LRP5: variants seen among roughly 807,000 people sequenced by gnomAD.
LRP5 encodes LDL receptor related protein 5.
In LRP5, 62 loss-of-function variants were observed where a neutral mutation model predicts 154.1. The ratio of observed to expected loss-of-function variants is 0.40; its 90% CI spans 0.33 to 0.50. LRP5 has a LOEUF of 0.50. Among genes scored for constraint, LRP5 ranks in the 20% least tolerant of loss-of-function variants. LRP5 has a pLI of 0.55. For synonymous variants in LRP5, 966 were observed against 1,011.5 expected, an observed-to-expected ratio of 0.96 and a Z score of 0.85; for missense variants, 1,915 against 2,336.7, an observed-to-expected ratio of 0.82 and a Z score of 3.72.
Position 68,357,661 on chromosome 11 carries a change from G to A in LRP5, c.500G>A (p.Trp167Ter). Residue 167 changes from tryptophan to a stop codon, truncating the protein, a stop_gained, in exon 3 of 23, where the codon TGG becomes TAG. Coordinates refer to ENST00000294304, the MANE Select transcript of LRP5 (RefSeq NM_002335.4). LOFTEE classifies it high-confidence loss of function. ...TGCCCCCGTCACAGGTACATGTACT[G>A]GACAGACTGGGGTGAGACGCCCCGG... ...ALDPAHGYMYWTDWGETPRIE... is the reference protein window; with the variant it reads ...ALDPAHGYMY 6.2e-7 allele frequency: 1 copy of A among 1,614,004 alleles called. No individual in the cohort carries two copies.
chr11:68,337,976 G>T (rs2098606646), intron 1 of LRP5, among the ~76,000 whole-genome samples: 1 of 152,186 alleles, frequency 6.6e-6, no homozygotes, highest in Admixed American at 6.5e-5. Context: ...GGCATTACCT[G>T]TCCATGCATT....
Position 68,389,874 on chromosome 11 carries a change from T to A in LRP5, c.1413-7T>A, listed in dbSNP as rs141889567. ...CATGGGGTCATGGACTTCTGCTTCT[T>A]CTCCAGCCTCATGTACTGGACAGAC... On this transcript the variant is annotated splice_region_variant and splice_polypyrimidine_tract_variant and intron_variant, in intron 6 of 22. Transcript: ENST00000294304. 1,768 of 1,614,246 alleles carry A rather than the reference T, an allele frequency of 1.1e-3. 2 individuals carry two copies. Among genetic ancestry groups the A allele is most frequent in the Non-Finnish European group, 1.4e-3 (1,657 of 1,180,046 alleles).
chr11:68,356,137 C>T (rs1214410308), intron 2 of LRP5, among the ~76,000 whole-genome samples: 4 of 148,488 alleles, frequency 2.7e-5, no homozygotes, highest in African/African-American at 5.0e-5. Flanking sequence ...AGCCACCGCA[C>T]CCAGCCTTTT....
the LRP5 span, among the ~76,000 whole-genome samples, chr11:68,304,813 C>A: frequency 9.9e-4 from 151 of 152,360 alleles, 1 homozygote; most frequent in African/African-American, 3.6e-3. Context: ...TAGCCCCTTT[C>A]TTTTGACAGA....
rs749805373 is a variant in LRP5 at position 68,436,920 on chromosome 11, G to A, written c.4032G>A (p.Ala1344=). ...GCCTGCCCAACCAGTTCCGGTGTGCGAGCGGCCAGTGTGTCCTCATCAAAC... is the reference window on the plus strand; with the variant it reads ...GCCTGCCCAACCAGTTCCGGTGTGCAAGCGGCCAGTGTGTCCTCATCAAAC... The part of the protein sequence containing the change: ...AICLPNQFRC[A]SGQCVLIKQQ... Residue 1344 remains alanine, a synonymous_variant, in exon 19 of 23, where the codon GCG becomes GCA. Transcript: ENST00000294304. 133 of 1,613,750 alleles carry A rather than the reference G, an allele frequency of 8.2e-5. No individual in the cohort carries two copies. Among genetic ancestry groups the A allele is most frequent in the Middle Eastern group, 3.3e-4 (2 of 6,084 alleles).
Position 68,329,058 on chromosome 11 carries a change from T to C in LRP5, c.91+16253T>C, listed in dbSNP as rs185424057. Reference sequence around the variant, plus strand: ...CAGTGCTTCAGAAGTACCACCTTAGTTGGATTTGAAGGACAGCCAAGAGAC... The same window carrying C: ...CAGTGCTTCAGAAGTACCACCTTAGCTGGATTTGAAGGACAGCCAAGAGAC... On this transcript the variant is annotated intron_variant, in intron 1 of 22. Transcript: ENST00000294304. 4.5e-3 allele frequency among the ~76,000 whole-genome samples: 683 copies of C among 152,318 alleles called. 8 individuals carry two copies. The highest frequency in any genetic ancestry group is 0.027 in the Middle Eastern group (8 of 294).
At chr11:68,363,455 G>A (rs747788421) in intron 3 of LRP5, among the ~76,000 whole-genome samples, 2 of 152,124 alleles carry the variant, frequency 1.3e-5, no homozygotes, top group Non-Finnish European at 2.9e-5. Context: ...TCAGGAGTTC[G>A]AGACCAGCCT....
At chr11:68,328,499 A>G (rs1565319988) in intron 1 of LRP5, among the ~76,000 whole-genome samples, 2 of 152,180 alleles carry the variant, frequency 1.3e-5, no homozygotes, top group Non-Finnish European at 2.9e-5. Context: ...GTAACCACAC[A>G]GGGGAAACGG....
chr11:68,308,025 G>T (rs367597470), upstream of LRP5, among the ~76,000 whole-genome samples: 12 of 152,326 alleles, frequency 7.9e-5, no homozygotes, highest in East Asian at 1.9e-3. Flanking sequence ...TACCAACCAA[G>T]CCCTCCAGAG....
In LRP5 at chr11:68,312,815, C is replaced by T. The variant is rs2098589414; in HGVS notation, c.91+10C>T. On this transcript the variant is annotated intron_variant, in intron 1 of 22. Transcript: ENST00000294304. Reference sequence around the variant, plus strand: ...CCGGCCCCCGCCGCGGGTAGGTGGGCGCAGGCCGGCCGGGGGCCGCGGGTT... The same window carrying T: ...CCGGCCCCCGCCGCGGGTAGGTGGGTGCAGGCCGGCCGGGGGCCGCGGGTT... The T allele has an allele frequency of 1.9e-6, 2 of 1,041,240 alleles. No homozygotes were observed. The highest frequency in any genetic ancestry group is 5.2e-5 in the Admixed American group (1 of 19,094). The allele number at this position is 1,041,240 out of a possible 1,614,324, so 64.5% of individuals were successfully genotyped here.
In LRP5 at chr11:68,425,171, G is replaced by C. The variant is rs1261178452; in HGVS notation, c.3306G>C (p.Glu1102Asp). The change falls in exon 15 of 23, where the codon GAG (glutamate) becomes GAC (aspartate). Residue 1102 changes from glutamate (E) to aspartate (D), a missense_variant. Physicochemically the swap from Glu to Asp is conservative, Grantham distance 45 (BLOSUM62 2). Around this residue, in one of 3 missense-constraint regions of LRP5, gnomAD observed 1,094 missense variants for 1,210.1 expected, o/e 0.90. Coordinates refer to ENST00000294304, the MANE Select transcript of LRP5 (RefSeq NM_002335.4). ...AACGCGCAGCCCTGGACGGCACCGA[G>C]CGCGAGGTCCTCTTCACCACCGGCC... Reference protein sequence around the residue: ...KIERAALDGTEREVLFTTGLI... With the variant: ...KIERAALDGTDREVLFTTGLI... 6.2e-7 allele frequency: 1 copy of C among 1,613,598 alleles called. No homozygotes were observed. Among genetic ancestry groups the C allele is most frequent in the Admixed American group, 1.7e-5 (1 of 60,004 alleles).
At chr11:68,301,919 C>CGTGCGGCCATTTTTTGTA in the LRP5 span, among the ~76,000 whole-genome samples, 1 of 152,112 alleles carries the variant, frequency 6.6e-6, no homozygotes, top group African/African-American at 2.4e-5. Context: ...TGAGCCACCG[C>CGTGCGGCCATTTTTTGTA]TCCCAGCCCA....
intron 13 of LRP5, among the ~76,000 whole-genome samples, chr11:68,417,444 A>G (rs535559398): frequency 1.3e-4 from 11 of 87,054 alleles, no homozygotes; most frequent in Non-Finnish European, 2.1e-4. Flanking sequence ...ATTGGAACAG[A>G]TTGGCTTTTT....
chr11:68,314,746 A>G (rs1373493817), intron 1 of LRP5, among the ~76,000 whole-genome samples: 2 of 152,208 alleles, frequency 1.3e-5, no homozygotes, highest in African/African-American at 4.8e-5. Context: ...TAGATGCCCA[A>G]GGCCAAGGCC....
At chr11:68,314,711 C>A (rs1410507656) in intron 1 of LRP5, among the ~76,000 whole-genome samples, 18 of 152,226 alleles carry the variant, frequency 1.2e-4, no homozygotes, top group Non-Finnish European at 2.6e-4. Flanking sequence ...CCAGGCACCC[C>A]CTCTCCCCCT....
intron 8 of LRP5, among the ~76,000 whole-genome samples, chr11:68,404,971 C>A (rs1248560061): frequency 7.3e-6 from 1 of 136,770 alleles, no homozygotes. Context: ...AGCGAGACTC[C>A]GTCTCAAAAA....
At chr11:68,406,437 C>T (rs1286303307) in intron 8 of LRP5, 87 bp from the exon 9 acceptor site, 41 of 1,389,540 alleles carry the variant, frequency 3.0e-5, no homozygotes, top group African/African-American at 2.0e-4. Flanking sequence ...GTGTGGCTCA[C>T]GGCAGCATTC....
At chr11:68,341,951 G>A (rs1177831120) in intron 1 of LRP5, among the ~76,000 whole-genome samples, 6 of 152,324 alleles carry the variant, frequency 3.9e-5, no homozygotes, top group Admixed American at 3.9e-4. Context: ...GCCAGCTGGT[G>A]CTGGGCACTC....
intron 5 of LRP5, among the ~76,000 whole-genome samples, chr11:68,368,925 C>T (rs1444327822): frequency 2.6e-5 from 4 of 151,092 alleles, no homozygotes; most frequent in Non-Finnish European, 4.4e-5. Flanking sequence ...GCAGCTTCCA[C>T]CTCCCAGGTT....
Sources: gnomAD v4.1 joint callset for allele counts (sites outside exome capture counted in the v4.1 genomes callset) on GRCh38, gnomAD v4.1.1 for gene constraint, gnomAD v4.1.1 regional missense constraint, MANE v1.5 for transcripts, NCBI Gene and HGNC (gene_info 2026-07-23, HGNC 2026-07-21) for gene names.